The following ALPK1 variants were observed in gnomAD, a reference collection of about 807,000 sequenced individuals.
ALPK1 encodes the protein alpha-protein kinase 1.
A neutral mutation model predicts 120.6 loss-of-function variants in ALPK1; 110 were observed. The observed-to-expected ratio is 0.91, with a 90% CI of 0.78 to 1.07. ALPK1 has a LOEUF of 1.07. Among genes scored for constraint, ALPK1 ranks in the 50% least tolerant of loss-of-function variants. The pLI, the probability that ALPK1 is intolerant of heterozygous loss-of-function variation, is 0.00. For missense variants in ALPK1, 1,498 were observed against 1,483.9 expected, an observed-to-expected ratio of 1.01 and a Z score of -0.16; for synonymous variants, 582 against 560.3, an observed-to-expected ratio of 1.04 and a Z score of -0.55.
In ALPK1 at chr4:112,414,373, G is replaced by A. The variant is rs753142598; in HGVS notation, c.475+2348G>A. 490 of 451,852 alleles carry A rather than the reference G, an allele frequency of 1.1e-3. 1 individual carries two copies. The highest frequency in any genetic ancestry group is 2.8e-3 in the Middle Eastern group (8 of 2,872). 28.0% of individuals were successfully genotyped at this position (451,852 alleles called of 1,614,324 possible). ...TGTAATCCCAGCACTTTGGGAGGCC[G>A]AAGCGGGTGGATCACCTGAAGTCAG... On this transcript the variant is annotated intron_variant, in intron 5 of 15. Transcript: ENST00000650871.
Position 112,357,181 on chromosome 4 carries a change from G to A in ALPK1, c.-100-20497G>A. 7 of 1,547,624 alleles carry A rather than the reference G, an allele frequency of 4.5e-6. No homozygotes were observed. In the South Asian group the frequency reaches 8.1e-5, roughly 18 times the overall value. ...AGCCAGGGAGCTACATCTTTGAGCT[G>A]TTTGCTGAAGCCCAGAGCACGTTTC... On this transcript the variant is annotated intron_variant, in intron 2 of 15. Coordinates refer to ENST00000650871, the MANE Select transcript of ALPK1 (RefSeq NM_025144.4).
At chr4:112,438,438 T>A (rs1273478548) in intron 12 of ALPK1, 46 bp from the exon 13 acceptor site, 3 of 1,595,414 alleles carry the variant, frequency 1.9e-6, no homozygotes, top group East Asian at 4.5e-5. Flanking sequence ...CCATAGTAAG[T>A]AAGACCACTT....
At chr4:112,438,365 A>G in intron 12 of ALPK1, 119 bp from the exon 13 acceptor site, 2 of 908,188 alleles carry the variant, frequency 2.2e-6, no homozygotes, top group Non-Finnish European at 3.4e-6. Context: ...TATTCAGTCT[A>G]AGGCAGAGAA....
chr4:112,348,847 A>G (rs559619228), intron 2 of ALPK1, among the ~76,000 whole-genome samples: 2 of 152,232 alleles, frequency 1.3e-5, no homozygotes, highest in Non-Finnish European at 2.9e-5. Context: ...CATTTTAAGT[A>G]TAAAATAAAT....
At chr4:112,376,607 C>A (rs1273608422) in intron 2 of ALPK1, among the ~76,000 whole-genome samples, 1 of 152,212 alleles carries the variant, frequency 6.6e-6, no homozygotes, top group Non-Finnish European at 1.5e-5. Context: ...AGTTAAGAAA[C>A]CATTGGCTAG....
At chr4:112,301,156 A>T (rs577578057) in intron 1 of ALPK1, among the ~76,000 whole-genome samples, 1 of 152,332 alleles carries the variant, frequency 6.6e-6, no homozygotes, top group Admixed American at 6.5e-5. Context: ...ATTTTCCAAG[A>T]TAACTATATC....
Position 112,412,005 on chromosome 4 carries a change from C to A in ALPK1, c.455C>A (p.Ala152Asp), listed in dbSNP as rs542474597. Residue 152 changes from alanine to aspartate, a missense_variant, in exon 5 of 16, where the codon GCC becomes GAC. Coordinates refer to ENST00000650871, the MANE Select transcript of ALPK1 (RefSeq NM_025144.4). Reference protein sequence around the residue: ...PIAPQVVIRQARISVNSGKLL... With the variant: ...PIAPQVVIRQDRISVNSGKLL... Reference sequence around the variant, plus strand: ...GCCCCGCAGGTGGTTATTCGCCAAGCCCGAATCTCCGTGAACTCAGGTATG... The same window carrying A: ...GCCCCGCAGGTGGTTATTCGCCAAGACCGAATCTCCGTGAACTCAGGTATG... 3 of 1,614,110 alleles carry A rather than the reference C, an allele frequency of 1.9e-6. No homozygotes were observed. The African/African-American group carries it at 4.0e-5, about 22-fold the overall frequency.
chr4:112,345,536 A>T (rs1243083288), intron 2 of ALPK1, among the ~76,000 whole-genome samples: 2 of 152,234 alleles, frequency 1.3e-5, no homozygotes, highest in Non-Finnish European at 2.9e-5. Context: ...TTTGTTGGTT[A>T]TCTAAACCAG....
At chr4:112,412,281 G>A in intron 5 of ALPK1, 2 of 623,480 alleles carry the variant, frequency 3.2e-6, no homozygotes, top group Non-Finnish European at 2.9e-6. Flanking sequence ...ACTAATTGGA[G>A]CTTTTGTCTT....
intron 1 of ALPK1, among the ~76,000 whole-genome samples, chr4:112,297,989 C>T (rs956167744): frequency 5.3e-5 from 8 of 152,044 alleles, no homozygotes; most frequent in African/African-American, 1.2e-4. Context: ...GGTGAATTGA[C>T]GGGAATTCTG....
intron 1 of ALPK1, among the ~76,000 whole-genome samples, chr4:112,314,930 G>T (rs1728571416): frequency 1.4e-5 from 2 of 146,966 alleles, no homozygotes; most frequent in Non-Finnish European, 3.0e-5. Flanking sequence ...GCCCAGGCTG[G>T]AGTGCAGTGG....
Position 112,429,256 on chromosome 4 carries a change from A to G in ALPK1, c.900+3A>G, listed in dbSNP as rs1181117768. ...CGCTCTTCGTGCTCACAGCTGTGGT[A>G]AACGAATGCAGCCGCTCCTCAAACC... On this transcript the variant is annotated splice_donor_region_variant and intron_variant, in intron 10 of 15. Coordinates refer to ENST00000650871, the MANE Select transcript of ALPK1 (RefSeq NM_025144.4). 6.2e-7 allele frequency: 1 copy of G among 1,608,822 alleles called. No individual in the cohort carries two copies. Among genetic ancestry groups the G allele is most frequent in the East Asian group, 2.2e-5 (1 of 44,848 alleles).
intron 5 of ALPK1, among the ~76,000 whole-genome samples, chr4:112,421,486 T>G (rs1733987970): frequency 6.6e-6 from 1 of 152,208 alleles, no homozygotes; most frequent in Non-Finnish European, 1.5e-5. Flanking sequence ...GCCCTGAATT[T>G]GACCTTTGCC....
rs72896928 is a variant in ALPK1, at chr4:112,347,056, A to G, written c.-100-30622A>G. 7.7e-3 allele frequency among the ~76,000 whole-genome samples: 1,178 copies of G among 152,352 alleles called. 19 individuals carry two copies. The highest frequency in any genetic ancestry group is 0.027 in the African/African-American group (1,118 of 41,590). On this transcript the variant is annotated intron_variant, in intron 2 of 15. Transcript: ENST00000650871. ...CTTATATTGTAGCTCGAATAAGGTC[A>G]AATTAGGATACTTTTTCCCCAGGAA... is the stretch of plus-strand genomic sequence containing the variant.
chr4:112,310,617 G>T (rs984842609), intron 1 of ALPK1, among the ~76,000 whole-genome samples: 1 of 152,068 alleles, frequency 6.6e-6, no homozygotes, highest in Admixed American at 6.5e-5. Context: ...AGTACAGGAT[G>T]CTTTTAATAT....
Position 112,430,571 on chromosome 4 carries a change from G to A in ALPK1, c.1024G>A (p.Asp342Asn). 1 of 1,614,192 alleles carries A rather than the reference G, an allele frequency of 6.2e-7. No homozygotes were observed. The highest frequency in any genetic ancestry group is 2.2e-5 in the East Asian group (1 of 44,886). ...GATTGGCCTCCTCACCAAGAGAGAT[G>A]ATGAGCCTGTTACTGGAAAACAGGA... ...FEIGLLTKRD[D>N]EPVTGKQELH... is the part of the protein sequence containing the mutation. The change falls in exon 11 of 16, where the codon GAT (aspartate) becomes AAT (asparagine). Residue 342 changes from aspartate to asparagine, a missense_variant. Physicochemically the swap from Asp to Asn is conservative, Grantham distance 23. Transcript: ENST00000650871.
chr4:112,426,528 T>A lies in ALPK1; in HGVS notation c.684T>A (p.Pro228=). The A allele has an allele frequency of 6.3e-7, 1 of 1,577,404 alleles. No homozygotes were observed. The highest frequency in any genetic ancestry group is 8.6e-7 in the Non-Finnish European group (1 of 1,166,410). ...WASIVGYLAL[P]QPDKKGLSTS... ...CCATTGTAGGATATTTGGCACTTCC[T>A]CAGCCGGATAAAAAGGTGGTTTGTC... The change falls in exon 8 of 16, where the codon CCT becomes CCA. Residue 228 remains proline, a synonymous_variant. Transcript: ENST00000650871.
intron 2 of ALPK1, among the ~76,000 whole-genome samples, chr4:112,330,557 C>A (rs773556335): frequency 2.0e-4 from 31 of 152,152 alleles, no homozygotes; most frequent in Non-Finnish European, 4.1e-4. Flanking sequence ...TCTAGTACTC[C>A]CAGTGATGTG....
intron 1 of ALPK1, among the ~76,000 whole-genome samples, chr4:112,299,357 A>G (rs573049104): frequency 2.6e-5 from 4 of 152,306 alleles, no homozygotes; most frequent in African/African-American, 9.6e-5. Flanking sequence ...TAGGCAGTAC[A>G]TGTCTAAACT....
Sources: gnomAD v4.1 joint callset for allele counts (sites outside exome capture counted in the v4.1 genomes callset) on GRCh38, gnomAD v4.1.1 for gene constraint, MANE v1.5 for transcripts, NCBI Gene and HGNC (gene_info 2026-07-23, HGNC 2026-07-21) for gene names.